Variants in WDR37 observed in about 807,000 individuals in gnomAD.
The protein encoded by WDR37 is WD repeat-containing protein 37.
WDR37 carries 19 observed loss-of-function variants against 62.9 expected under a neutral mutation model. The ratio of observed to expected loss-of-function variants is 0.30; its 90% CI spans 0.21 to 0.44. The LOEUF (loss-of-function observed/expected upper bound fraction) is 0.44, where lower values mean the gene tolerates loss of function less well. WDR37 is among the 20% of genes least tolerant of loss of function. WDR37 has a pLI of 1.00. For synonymous variants in WDR37, 250 were observed against 260.9 expected (o/e 0.96, Z 0.40); for missense variants, 474 against 657.6 (o/e 0.72, Z 3.05).
chr10:1,082,683 AATAG>A (rs544185500), intron 5 of WDR37, among the ~76,000 whole-genome samples: 20 of 152,138 alleles, frequency 1.3e-4, no homozygotes, highest in South Asian at 4.1e-4. Flanking sequence ...GAGTTAAGGT[AATAG>A]ATGGTCAAAG....
chr10:1,059,978 G>A (rs1048476299), intron 1 of WDR37, among the ~76,000 whole-genome samples: 3 of 152,032 alleles, frequency 2.0e-5, no homozygotes, highest in African/African-American at 7.2e-5. Context: ...CAGGGTAGAT[G>A]GGAGGCGTGT....
At chr10:1,074,142 G>T (rs1833800267) in intron 2 of WDR37, among the ~76,000 whole-genome samples, 1 of 152,190 alleles carries the variant, frequency 6.6e-6, no homozygotes, top group Non-Finnish European at 1.5e-5. Flanking sequence ...GTCAGATGTG[G>T]CAAGTGGCTA....
intron 11 of WDR37, among the ~76,000 whole-genome samples, chr10:1,113,019 G>A (rs1363945131): frequency 6.6e-6 from 1 of 152,262 alleles, no homozygotes; most frequent in East Asian, 1.9e-4. Flanking sequence ...TTCTGTTAAA[G>A]AAGATGCCAC....
At position 1,089,652 on chromosome 10, in the gene WDR37, TGCTCACCCGCAGTTCGGCCTTCCCG is replaced by T. The variant is rs1216237456; in HGVS notation, c.604+3296_604+3320del. Among the ~76,000 whole-genome samples, 3 of 30,080 alleles carry T rather than the reference TGCTCACCCGCAGTTCGGCCTTCCCG, an allele frequency of 1.0e-4. No homozygotes were observed. In the East Asian group the frequency reaches 2.5e-3, roughly 25 times the overall value. 19.7% of individuals were successfully genotyped at this position (30,080 alleles called of 152,430 possible). A position where few individuals can be genotyped will look rare whatever the true frequency, so the allele number is the denominator to read the frequency against. ...GCTCACCCACAATTCAGCCTTCCCGTGCTCACCCGCAGTTCGGCCTTCCCGTGCTCACCCGCAGTTCGGCCTTCCC... is the reference window on the plus strand; with the variant it reads ...GCTCACCCACAATTCAGCCTTCCCGTTGCTCACCCGCAGTTCGGCCTTCCC... On this transcript the variant is annotated intron_variant, in intron 7 of 13. Coordinates refer to ENST00000263150, the MANE Select transcript of WDR37 (RefSeq NM_014023.4).
intron 1 of WDR37, among the ~76,000 whole-genome samples, chr10:1,063,896 C>T (rs1483174301): frequency 1.3e-5 from 2 of 152,186 alleles, no homozygotes; most frequent in South Asian, 2.1e-4. Flanking sequence ...AGAAGACTTA[C>T]ATCAGATCCT....
chr10:1,126,476 C>T (rs996793729), intron 13 of WDR37, among the ~76,000 whole-genome samples: 1 of 152,174 alleles, frequency 6.6e-6, no homozygotes, highest in East Asian at 1.9e-4. Context: ...TGGAGGCCCC[C>T]CCAGAGGATC....
chr10:1,102,264 C>T (rs1030695595), intron 9 of WDR37, among the ~76,000 whole-genome samples: 6 of 140,602 alleles, frequency 4.3e-5, no homozygotes, highest in Admixed American at 7.1e-5. Flanking sequence ...GTCCCTGTGA[C>T]GTGCGTTCCC....
chr10:1,094,108 G>T (rs1010250799), intron 8 of WDR37, among the ~76,000 whole-genome samples: 1 of 152,190 alleles, frequency 6.6e-6, no homozygotes, highest in Non-Finnish European at 1.5e-5. Flanking sequence ...CGAAGGATGT[G>T]TGTAGGCTTT....
intron 1 of WDR37, among the ~76,000 whole-genome samples, chr10:1,067,458 A>G (rs527422910): frequency 3.9e-5 from 6 of 152,360 alleles, no homozygotes; most frequent in African/African-American, 1.4e-4. Context: ...GTGTTGCTTC[A>G]TGAAAAACTC....
In WDR37 at chr10:1,056,525, T is replaced by C. The variant is rs1273478563; in HGVS notation, c.-484T>C. The C allele has an allele frequency of 6.6e-6, 1 of 152,074 alleles. No individual in the cohort carries two copies. The highest frequency in any genetic ancestry group is 1.5e-5 in the Non-Finnish European group (1 of 68,026). 9.4% of individuals were successfully genotyped at this position (152,074 alleles called of 1,614,324 possible). ...GGGCTCGCAGCCCTCCCGCCCCGGC[T>C]GCCGGGCTACGGGGCAGATGGACTC... On this transcript the variant is annotated 5_prime_UTR_variant, in exon 1 of 14. Transcript: ENST00000263150.
chr10:1,089,784 G>A (rs192110937), intron 7 of WDR37, among the ~76,000 whole-genome samples: 13 of 152,278 alleles, frequency 8.5e-5, no homozygotes, highest in Admixed American at 4.6e-4. Flanking sequence ...ATTCGGTGTC[G>A]TCTCTTCGCT....
chr10:1,060,435 A>G (rs568169316), intron 1 of WDR37, among the ~76,000 whole-genome samples: 2 of 152,354 alleles, frequency 1.3e-5, no homozygotes, highest in African/African-American at 4.8e-5. Context: ...AGAGGGGACT[A>G]TTTATAGTTT....
rs139821411 is a variant in WDR37 at position 1,107,785 on chromosome 10, C to T, written c.1103+2518C>T. 8.6e-5 allele frequency among the ~76,000 whole-genome samples: 13 copies of T among 151,828 alleles called. No homozygotes were observed. The East Asian group carries it at 2.3e-3, about 27-fold the overall frequency. ...CACGCACTACCCTGTCACCTAGGTT[C>T]GCCTGTTGTATTGCAGCACTGCTGT... is the stretch of plus-strand genomic sequence containing the variant. On this transcript the variant is annotated intron_variant, in intron 11 of 13. Transcript: ENST00000263150.
rs146135533 is a variant in WDR37 at position 1,115,848 on chromosome 10, G to C, written c.1104-8370G>C. Among the ~76,000 whole-genome samples, 890 of 152,336 alleles carry C rather than the reference G, an allele frequency of 5.8e-3. 5 individuals are homozygous for C. Among genetic ancestry groups the C allele is most frequent in the Admixed American group, 0.01 (158 of 15,308 alleles). Reference sequence around the variant, plus strand: ...TTGCAGACAGCAGGGCCCTGTGGAAGGGCCTCTGGGGCGGAAGTGACATGG... The same window carrying C: ...TTGCAGACAGCAGGGCCCTGTGGAACGGCCTCTGGGGCGGAAGTGACATGG... On this transcript the variant is annotated intron_variant, in intron 11 of 13. Transcript: ENST00000263150.
chr10:1,080,937 G>T (rs1310472974), intron 5 of WDR37, among the ~76,000 whole-genome samples: 2 of 151,946 alleles, frequency 1.3e-5, no homozygotes, highest in Non-Finnish European at 2.9e-5. Context: ...CACTATGCAG[G>T]CATTTACATA....
chr10:1,087,601 G>A (rs1834243840), intron 7 of WDR37, among the ~76,000 whole-genome samples: 1 of 152,198 alleles, frequency 6.6e-6, no homozygotes, highest in African/African-American at 2.4e-5. Flanking sequence ...GTTGTATTAT[G>A]ATAGGTGTAG....
intron 7 of WDR37, among the ~76,000 whole-genome samples, chr10:1,091,981 C>G (rs1834403571): frequency 6.6e-6 from 1 of 150,576 alleles, no homozygotes; most frequent in Non-Finnish European, 1.5e-5. Context: ...GAGATTGAGA[C>G]CATCTTGGCT....
At chr10:1,071,778 C>T (rs1293028924) in intron 1 of WDR37, among the ~76,000 whole-genome samples, 1 of 152,098 alleles carries the variant, frequency 6.6e-6, no homozygotes, top group Non-Finnish European at 1.5e-5. Context: ...AATGTGTAGT[C>T]TAGAATATGC....
At chr10:1,113,164 G>C (rs1244820828) in intron 11 of WDR37, among the ~76,000 whole-genome samples, 2 of 152,078 alleles carry the variant, frequency 1.3e-5, no homozygotes, top group African/African-American at 4.8e-5. Flanking sequence ...AAAATCCTAG[G>C]GCCCTTAAGA....
Sources: allele counts gnomAD v4.1 joint callset (sites outside exome capture counted in the v4.1 genomes callset), GRCh38; gene constraint gnomAD v4.1.1; transcripts MANE v1.5; gene names NCBI Gene and HGNC (gene_info 2026-07-23, HGNC 2026-07-21).